Variants in PARD3B observed in about 807,000 individuals in gnomAD.
PARD3B encodes partitioning defective 3 homolog B.
A neutral mutation model predicts 130.2 loss-of-function variants in PARD3B; 103 were observed. The observed-to-expected ratio is 0.79, with a 90% CI of 0.67 to 0.93. PARD3B has a LOEUF of 0.93. Among genes scored for constraint, PARD3B ranks in the 40% least tolerant of loss-of-function variants. The probability of loss-of-function intolerance (pLI) is 0.00; values close to 1 mark genes in which losing one functional copy is unlikely to be tolerated. For missense variants in PARD3B, 1,609 were observed against 1,499.2 expected, an observed-to-expected ratio of 1.07 and a Z score of -1.21; for synonymous variants, 583 against 553.2, an observed-to-expected ratio of 1.05 and a Z score of -0.76.
chr2:205,247,147 C>A (rs2039607428), intron 16 of PARD3B, among the ~76,000 whole-genome samples: 2 of 152,058 alleles, frequency 1.3e-5, no homozygotes, highest in African/African-American at 2.4e-5. Flanking sequence ...AAGTTGAAGT[C>A]CTTTTCTGGA....
At chr2:205,492,730 A>G (rs2049767676) in intron 20 of PARD3B, among the ~76,000 whole-genome samples, 1 of 152,160 alleles carries the variant, frequency 6.6e-6, no homozygotes, top group African/African-American at 2.4e-5. Context: ...TTACCTGGAT[A>G]TTTACACTGG....
intron 15 of PARD3B, among the ~76,000 whole-genome samples, chr2:205,211,467 C>T (rs1433881377): frequency 6.6e-6 from 1 of 152,020 alleles, no homozygotes; most frequent in Non-Finnish European, 1.5e-5. Flanking sequence ...ATTTCTGTAG[C>T]TTACCTTTCT....
At chr2:204,852,854 T>C (rs1007720107) in intron 2 of PARD3B, among the ~76,000 whole-genome samples, 5 of 152,168 alleles carry the variant, frequency 3.3e-5, no homozygotes, top group Admixed American at 2.0e-4. Context: ...TAAAATATAG[T>C]ATATAATAAA....
At chr2:204,598,428 G>A (rs572841710) in intron 1 of PARD3B, among the ~76,000 whole-genome samples, 2 of 152,084 alleles carry the variant, frequency 1.3e-5, no homozygotes, top group Non-Finnish European at 2.9e-5. Flanking sequence ...TCAAGTCCCA[G>A]CTGTTTCTCC....
chr2:204,751,860 C>A (rs1261140517), intron 2 of PARD3B, among the ~76,000 whole-genome samples: 1 of 152,138 alleles, frequency 6.6e-6, no homozygotes, highest in Non-Finnish European at 1.5e-5. Context: ...GAAATGTAAT[C>A]ACTGACTTAA....
intron 1 of PARD3B, among the ~76,000 whole-genome samples, chr2:204,635,644 C>T (rs560131685): frequency 1.3e-5 from 2 of 152,196 alleles, no homozygotes; most frequent in South Asian, 4.2e-4. Flanking sequence ...GGCAGTGCTC[C>T]ATGTATCATA....
At chr2:204,883,392 ATG>A (rs1280737676) in intron 2 of PARD3B, among the ~76,000 whole-genome samples, 5 of 138,442 alleles carry the variant, frequency 3.6e-5, no homozygotes, top group African/African-American at 1.4e-4. Flanking sequence ...TTTTATGTGT[ATG>A]TATATATATA....
chr2:204,577,227 T>C (rs553762237), intron 1 of PARD3B, among the ~76,000 whole-genome samples: 13 of 152,260 alleles, frequency 8.5e-5, no homozygotes, highest in Non-Finnish European at 1.8e-4. Context: ...AGTTAAATGA[T>C]ATGATGATAG....
At position 205,341,049 on chromosome 2, in the gene PARD3B, C is replaced by A. The variant is rs1264244887; in HGVS notation, c.2630+39348C>A. Among the ~76,000 whole-genome samples, 1 of 151,954 alleles carries A rather than the reference C, an allele frequency of 6.6e-6. No individual in the cohort carries two copies. The highest frequency in any genetic ancestry group is 1.5e-5 in the Non-Finnish European group (1 of 67,974). On this transcript the variant is annotated intron_variant, in intron 18 of 22. Transcript: ENST00000406610. The surrounding 1 kb of genome is among the most constrained non-coding windows in gnomAD (Gnocchi z 4.3). ...ACAAACCAAAACCACAGTGAGATTT[C>A]ATCTTATCCGAGTTTGAATGGCTAT...
At chr2:204,832,087 A>C (rs1031752038) in intron 2 of PARD3B, among the ~76,000 whole-genome samples, 3 of 152,094 alleles carry the variant, frequency 2.0e-5, no homozygotes, top group African/African-American at 7.2e-5. Flanking sequence ...TTAGTCAGGC[A>C]TGGTGGTGGG....
At chr2:204,679,927 A>G (rs2036742933) in intron 1 of PARD3B, among the ~76,000 whole-genome samples, 1 of 152,058 alleles carries the variant, frequency 6.6e-6, no homozygotes, top group South Asian at 2.1e-4. Flanking sequence ...CCTTATAGAC[A>G]TCACTGAATT....
chr2:205,469,680 T>A (rs998937488), intron 20 of PARD3B, among the ~76,000 whole-genome samples: 4 of 152,208 alleles, frequency 2.6e-5, no homozygotes, highest in Non-Finnish European at 4.4e-5. Context: ...TCACACCCTA[T>A]ATTTGACATA....
chr2:205,053,147 A>G (rs1343449124), intron 4 of PARD3B, among the ~76,000 whole-genome samples: 1 of 152,056 alleles, frequency 6.6e-6, no homozygotes, highest in Non-Finnish European at 1.5e-5. Context: ...TTCCCCTCAT[A>G]TGTCACACAT....
chr2:204,914,230 T>A (rs1466185518), intron 2 of PARD3B, among the ~76,000 whole-genome samples: 3 of 152,106 alleles, frequency 2.0e-5, no homozygotes, highest in African/African-American at 7.2e-5. Flanking sequence ...CTTTGATGAG[T>A]TGTTTTTTTT....
chr2:205,083,358 T>A (rs1359433902), intron 4 of PARD3B, among the ~76,000 whole-genome samples: 1 of 150,890 alleles, frequency 6.6e-6, no homozygotes, highest in Non-Finnish European at 1.5e-5. Flanking sequence ...AGGAAATAAC[T>A]TTCCAAGTTA....
chr2:205,523,228 T>TGTGC (rs2051167008), intron 21 of PARD3B, among the ~76,000 whole-genome samples: 1 of 140,458 alleles, frequency 7.1e-6, no homozygotes, highest in Non-Finnish European at 1.5e-5. Context: ...TGTGTGTGTA[T>TGTGC]ATATATATAT....
rs746315046 is a variant in PARD3B at position 205,021,646 on chromosome 2, CTCTCTATA to C, written c.395-25933_395-25926del. On this transcript the variant is annotated intron_variant, in intron 3 of 22. Transcript: ENST00000406610. This position sits in a 1 kb window ranked among gnomAD's most constrained non-coding sequence, Gnocchi z 4.5. ...CCTCTCTCTTTCTCTCTCTCTCTCT[CTCTCTATA>C]TATATATATATAGTTAATCTTTTCA... Among the ~76,000 whole-genome samples, 11,439 of 129,080 alleles carry C rather than the reference CTCTCTATA, an allele frequency of 0.089. 478 individuals carry two copies. The highest frequency in any genetic ancestry group is 0.11 in the Non-Finnish European group (6,364 of 58,746). 84.7% of individuals were successfully genotyped at this position (129,080 alleles called of 152,430 possible).
In PARD3B at chr2:205,463,141, C is replaced by T. The variant is rs2048507832; in HGVS notation, c.3044+22469C>T. ...ACTGACTCACCTAATTGGGGTCAAC[C>T]ACTGAAAAAAAATGTGTTGCTGATT... On this transcript the variant is annotated intron_variant, in intron 20 of 22. Transcript: ENST00000406610. The surrounding 1 kb of genome is among the most constrained non-coding windows in gnomAD (Gnocchi z 4.8). Among the ~76,000 whole-genome samples the T allele has an allele frequency of 6.6e-6, 1 of 151,990 alleles. No homozygotes were observed. Among genetic ancestry groups the T allele is most frequent in the African/African-American group, 2.4e-5 (1 of 41,420 alleles).
intron 3 of PARD3B, among the ~76,000 whole-genome samples, chr2:204,992,857 A>G (rs968295664): frequency 2.8e-5 from 4 of 140,740 alleles, no homozygotes; most frequent in African/African-American, 1.1e-4. Flanking sequence ...ATGGGAGTTC[A>G]CTCATGATTT....
Sources: allele counts gnomAD v4.1 joint callset (sites outside exome capture counted in the v4.1 genomes callset), GRCh38; gene constraint gnomAD v4.1.1; non-coding constraint Gnocchi (gnomAD v3.1); transcripts MANE v1.5; gene names NCBI Gene and HGNC (gene_info 2026-07-23, HGNC 2026-07-21).